The following NTRK2 variants were observed in gnomAD, a reference collection of about 807,000 sequenced individuals.
The protein encoded by NTRK2 is BDNF/NT-3 growth factors receptor.
In NTRK2, 13 loss-of-function variants were observed where a neutral mutation model predicts 94.5. The ratio of observed to expected loss-of-function variants is 0.14; its 90% CI spans 0.09 to 0.22. The LOEUF is 0.22. Among genes scored for constraint, NTRK2 ranks in the 10% least tolerant of loss-of-function variants. The pLI is 1.00. For synonymous variants in NTRK2, 372 were observed against 407.4 expected (o/e 0.91, Z 1.05); for missense variants, 639 against 1,071.2 (o/e 0.60, Z 5.63).
chr9:84,689,018 T>C (rs1410612187), intron 2 of NTRK2, among the ~76,000 whole-genome samples: 1 of 152,110 alleles, frequency 6.6e-6, no homozygotes, highest in East Asian at 1.9e-4. Context: ...AATAGAAAAA[T>C]AGAAAAGCAT....
At chr9:84,822,351 G>A (rs2072905738) in intron 12 of NTRK2, among the ~76,000 whole-genome samples, 2 of 152,074 alleles carry the variant, frequency 1.3e-5, no homozygotes, top group Admixed American at 1.3e-4. Flanking sequence ...CTTTGTAAGT[G>A]CTTTTTCCTT....
At chr9:84,991,291 G>C (rs1829030422) in intron 17 of NTRK2, among the ~76,000 whole-genome samples, 1 of 152,224 alleles carries the variant, frequency 6.6e-6, no homozygotes, top group Non-Finnish European at 1.5e-5. Context: ...GTAGCATCTT[G>C]TTAACGAGAC....
intron 12 of NTRK2, among the ~76,000 whole-genome samples, chr9:84,799,432 C>T (rs1268862325): frequency 5.3e-5 from 8 of 152,078 alleles, no homozygotes; most frequent in South Asian, 4.1e-4. Flanking sequence ...AGCAAACAAC[C>T]GATGTGGAAC....
chr9:84,933,401 T>G (rs1347424229), intron 14 of NTRK2, among the ~76,000 whole-genome samples: 1 of 152,104 alleles, frequency 6.6e-6, no homozygotes, highest in African/African-American at 2.4e-5. Context: ...TCCTGCCTTG[T>G]GCACCAAGAG....
At position 84,797,873 on chromosome 9, in the gene NTRK2, A is replaced by G. The variant is rs1281186681; in HGVS notation, c.1396+45788A>G. Among the ~76,000 whole-genome samples the G allele has an allele frequency of 3.4e-5, 4 of 116,136 alleles. No homozygotes were observed. In the East Asian group the frequency reaches 8.8e-4, roughly 26 times the overall value. 76.2% of individuals were successfully genotyped at this position (116,136 alleles called of 152,430 possible). A position where few individuals can be genotyped will look rare whatever the true frequency, so the allele number is the denominator to read the frequency against. On this transcript the variant is annotated intron_variant, in intron 12 of 18. Transcript: ENST00000277120. Reference sequence around the variant, plus strand: ...TATTATATATACTATAATAATATATATAATATAGTAATAATTATTATTACT... The same window carrying G: ...TATTATATATACTATAATAATATATGTAATATAGTAATAATTATTATTACT...
rs538789073 is a variant in NTRK2, at chr9:84,804,195, T to C, written c.1396+52110T>C. On this transcript the variant is annotated intron_variant, in intron 12 of 18. Transcript: ENST00000277120. Reference sequence around the variant, plus strand: ...TTATCTTCCTGTTTTGGAGGCTTATTATCTCTATTTTTACTCTTCAATAAT... The same window carrying C: ...TTATCTTCCTGTTTTGGAGGCTTATCATCTCTATTTTTACTCTTCAATAAT... Among the ~76,000 whole-genome samples the C allele has an allele frequency of 5.5e-4, 84 of 152,252 alleles. 2 individuals are homozygous for C. The South Asian group carries it at 0.017, about 31-fold the overall frequency.
intron 12 of NTRK2, among the ~76,000 whole-genome samples, chr9:84,827,856 A>C (rs555590338): frequency 1.3e-5 from 2 of 152,134 alleles, no homozygotes; most frequent in Admixed American, 6.5e-5. Flanking sequence ...CCTAAGCCCC[A>C]TATCTTTGAT....
rs1440338055 is a variant in NTRK2, at chr9:84,944,215, T to TCTCTCACACACACA, written c.1765-4246_1765-4245insTCTCACACACACAC. On this transcript the variant is annotated intron_variant, in intron 15 of 18. Coordinates refer to ENST00000277120, the MANE Select transcript of NTRK2 (RefSeq NM_006180.6). ...TGTTCTCTCTCTCTCTCTCTCTCTC[T>TCTCTCACACACACA]CACACACACACACACACACACACAC... Among the ~76,000 whole-genome samples the TCTCTCACACACACA allele has an allele frequency of 3.4e-4, 41 of 120,328 alleles. 1 individual carries two copies. The East Asian group carries it at 5.1e-3, about 15-fold the overall frequency. 78.9% of individuals were successfully genotyped at this position (120,328 alleles called of 152,430 possible).
chr9:84,995,429 T>C (rs1345856180), intron 17 of NTRK2, among the ~76,000 whole-genome samples: 3 of 152,168 alleles, frequency 2.0e-5, no homozygotes, highest in Admixed American at 6.5e-5. Context: ...AAGTCTCACT[T>C]TGCCCAATGA....
chr9:84,695,522 G>C (rs1486240387), intron 2 of NTRK2, among the ~76,000 whole-genome samples: 3 of 152,182 alleles, frequency 2.0e-5, no homozygotes, highest in South Asian at 2.1e-4. Flanking sequence ...TTTTTGTTAA[G>C]CCAAAGAAGA....
intron 14 of NTRK2, among the ~76,000 whole-genome samples, chr9:84,902,738 G>T (rs1289858840): frequency 6.6e-6 from 1 of 152,102 alleles, no homozygotes; most frequent in East Asian, 1.9e-4. Context: ...TGTCTCTAAG[G>T]CTTTCTATGT....
intron 14 of NTRK2, among the ~76,000 whole-genome samples, chr9:84,878,904 G>T (rs548642972): frequency 6.6e-6 from 1 of 152,234 alleles, no homozygotes; most frequent in East Asian, 1.9e-4. Context: ...TCAGTCTTCG[G>T]ATACTTCCTG....
intron 14 of NTRK2, among the ~76,000 whole-genome samples, chr9:84,926,725 C>T (rs929219508): frequency 2.6e-5 from 4 of 151,986 alleles, no homozygotes; most frequent in Non-Finnish European, 4.4e-5. Flanking sequence ...TTTACATGTT[C>T]GTGTTATTAT....
At chr9:84,689,953 T>C (rs1270744295) in intron 2 of NTRK2, among the ~76,000 whole-genome samples, 1 of 152,234 alleles carries the variant, frequency 6.6e-6, no homozygotes, top group Non-Finnish European at 1.5e-5. Context: ...TTTACAGCTA[T>C]TCATGCTTTC....
At chr9:84,975,671 TG>T (rs1184847868) in intron 17 of NTRK2, among the ~76,000 whole-genome samples, 2 of 152,184 alleles carry the variant, frequency 1.3e-5, no homozygotes, top group Non-Finnish European at 2.9e-5. Context: ...TATTAATAGT[TG>T]GAATTATCAT....
intron 6 of NTRK2, among the ~76,000 whole-genome samples, chr9:84,719,053 C>T (rs569781324): frequency 1.2e-4 from 18 of 152,130 alleles, no homozygotes; most frequent in East Asian, 5.8e-4. Flanking sequence ...AGAATAGACA[C>T]GTAATTATTT....
chr9:84,744,878 T>A, intron 10 of NTRK2, 95 bp from the exon 11 acceptor site: 1 of 893,772 alleles, frequency 1.1e-6, no homozygotes, highest in Non-Finnish European at 1.9e-6. Flanking sequence ...TTGTGATTTG[T>A]CTTGCTTCAT....
intron 17 of NTRK2, among the ~76,000 whole-genome samples, chr9:85,008,886 C>T (rs1200473458): frequency 1.3e-5 from 2 of 152,244 alleles, no homozygotes; most frequent in Non-Finnish European, 1.5e-5. Flanking sequence ...TAGGTCCCAG[C>T]CATAGGGCTG....
At chr9:84,913,622 C>T (rs986435114) in intron 14 of NTRK2, among the ~76,000 whole-genome samples, 4 of 152,046 alleles carry the variant, frequency 2.6e-5, no homozygotes, top group Admixed American at 1.3e-4. Flanking sequence ...CTCTGGCCTC[C>T]ATGGTTTCTT....
Sources: gnomAD v4.1 joint callset for allele counts (sites outside exome capture counted in the v4.1 genomes callset) on GRCh38, gnomAD v4.1.1 for gene constraint, MANE v1.5 for transcripts, NCBI Gene and HGNC (gene_info 2026-07-23, HGNC 2026-07-21) for gene names.